DEPDC5: variants seen among roughly 807,000 people sequenced by gnomAD.
DEPDC5 encodes the protein DEP domain containing 5, GATOR1 subcomplex subunit.
DEPDC5 carries 73 observed loss-of-function variants against 217.3 expected under a neutral mutation model. That is an observed-to-expected ratio of 0.34 (90% CI 0.28 to 0.41). The LOEUF (loss-of-function observed/expected upper bound fraction) is 0.41. Among genes scored for constraint, DEPDC5 ranks in the 10% least tolerant of loss-of-function variants. The probability of loss-of-function intolerance (pLI) is 1.00; values close to 1 mark genes in which losing one functional copy is unlikely to be tolerated. For synonymous variants in DEPDC5, 733 were observed against 756.7 expected (o/e 0.97, Z 0.51); for missense variants, 1,675 against 2,070.1 (o/e 0.81, Z 3.70).
At chr22:31,757,667 G>A (rs1248391881) in intron 2 of DEPDC5, among the ~76,000 whole-genome samples, 2 of 152,206 alleles carry the variant, frequency 1.3e-5, no homozygotes, top group African/African-American at 2.4e-5. Flanking sequence ...CAGTCATTCT[G>A]TCTTTATGCT....
chr22:31,784,765 A>G (rs764690187), intron 9 of DEPDC5, 49 bp from the exon 10 acceptor site: 61 of 1,566,372 alleles, frequency 3.9e-5, no homozygotes, highest in Non-Finnish European at 5.1e-5. Context: ...CAAGCAAGAA[A>G]TAAAGATTGT....
intron 10 of DEPDC5, among the ~76,000 whole-genome samples, chr22:31,785,839 A>G (rs549380021): frequency 6.6e-6 from 1 of 152,304 alleles, no homozygotes; most frequent in Non-Finnish European, 1.5e-5. Context: ...AAGTTCATTT[A>G]ATGAGAGAAA....
intron 38 of DEPDC5, among the ~76,000 whole-genome samples, chr22:31,882,738 T>C (rs1352703160): frequency 6.6e-6 from 1 of 152,144 alleles, no homozygotes; most frequent in African/African-American, 2.4e-5. Context: ...TTGTTCATTC[T>C]TTCTCTTTTT....
intron 38 of DEPDC5, among the ~76,000 whole-genome samples, chr22:31,892,851 A>G (rs956453977): frequency 1.4e-5 from 2 of 148,008 alleles, no homozygotes; most frequent in African/African-American, 5.0e-5. Context: ...TTTACATTTT[A>G]GGGTTCACTC....
At chr22:31,828,917 T>C (rs1416879912) in intron 24 of DEPDC5, among the ~76,000 whole-genome samples, 5 of 152,194 alleles carry the variant, frequency 3.3e-5, no homozygotes, top group African/African-American at 4.8e-5. Context: ...TTGTGGGGGA[T>C]TGAACTGTGA....
intron 8 of DEPDC5, among the ~76,000 whole-genome samples, chr22:31,781,974 T>C (rs1311357587): frequency 2.0e-5 from 3 of 152,070 alleles, no homozygotes; most frequent in African/African-American, 4.8e-5. Flanking sequence ...GATGTTGCAG[T>C]GAGCTATGAT....
chr22:31,764,801 A>G (rs143004910), intron 4 of DEPDC5, among the ~76,000 whole-genome samples, 174 bp from the exon 5 acceptor site: 17 of 152,016 alleles, frequency 1.1e-4, no homozygotes, highest in African/African-American at 4.1e-4. Context: ...GTCTTATTTC[A>G]CCTAAAAAGC....
intron 24 of DEPDC5, chr22:31,831,253 A>T (rs2090574336): frequency 6.6e-6 from 1 of 152,334 alleles, no homozygotes; most frequent in Non-Finnish European, 1.5e-5. Context: ...TCTGAGCCTC[A>T]GTTTCTTTAT....
chr22:31,803,933 A>G (rs2087174823), intron 15 of DEPDC5, among the ~76,000 whole-genome samples: 1 of 152,212 alleles, frequency 6.6e-6, no homozygotes, highest in Non-Finnish European at 1.5e-5. Flanking sequence ...GTCAAAGGCT[A>G]ATTGTCAAGC....
At chr22:31,762,344 A>T (rs1414354818) in intron 4 of DEPDC5, among the ~76,000 whole-genome samples, 4 of 152,252 alleles carry the variant, frequency 2.6e-5, no homozygotes, top group Non-Finnish European at 1.5e-5. Context: ...CTGGATTCAA[A>T]TCCTTTCTTT....
chr22:31,773,192 T>A (rs1234670784), intron 7 of DEPDC5, among the ~76,000 whole-genome samples: 1 of 152,164 alleles, frequency 6.6e-6, no homozygotes, highest in Admixed American at 6.6e-5. Flanking sequence ...AACTTTATTT[T>A]TATATATTTA....
intron 37 of DEPDC5, 85 bp downstream of exon 37, chr22:31,876,350 G>A (rs2092992537): frequency 9.9e-7 from 1 of 1,005,424 alleles, no homozygotes; most frequent in Non-Finnish European, 1.5e-6. Context: ...TGCTTCCTGA[G>A]CTGCATGTGT....
At chr22:31,792,193 C>T (rs895029171) in intron 11 of DEPDC5, 91 bp downstream of exon 11, 5 of 917,446 alleles carry the variant, frequency 5.4e-6, no homozygotes, top group Non-Finnish European at 8.7e-6. Context: ...TTCCTCGTTG[C>T]ACTTTTCCAC....
At chr22:31,760,193 A>G (rs1184236491) in intron 3 of DEPDC5, among the ~76,000 whole-genome samples, 1 of 151,344 alleles carries the variant, frequency 6.6e-6, no homozygotes. Context: ...TCAGCCTCCC[A>G]AGTAGCTGGG....
At chr22:31,883,976 C>T (rs1256248074) in intron 38 of DEPDC5, among the ~76,000 whole-genome samples, 1 of 152,082 alleles carries the variant, frequency 6.6e-6, no homozygotes, top group Non-Finnish European at 1.5e-5. Flanking sequence ...GTTCTTTGAC[C>T]CCCACCAGGA....
At chr22:31,798,295 G>A (rs892797996) in intron 13 of DEPDC5, among the ~76,000 whole-genome samples, 6 of 152,054 alleles carry the variant, frequency 3.9e-5, no homozygotes, top group Admixed American at 1.3e-4. Flanking sequence ...CAAGGCAGGC[G>A]GATCACGAGG....
rs2087207677 is a variant in DEPDC5, at chr22:31,804,190, A to G, written c.1110A>G (p.Gly370=). Residue 370 remains glycine (G), a synonymous_variant, in exon 16 of 43, where the codon GGA becomes GGG. Transcript: ENST00000651528. ...NGIGVDLVCM[G]EQPLHAVPLF... ...TTGGTGTGGATTTGGTGTGCATGGG[A>G]GAGCAACCGTTACATGCTGTCCCAT... The G allele has an allele frequency of 3.1e-6, 5 of 1,613,836 alleles. No individual in the cohort carries two copies. The highest frequency in any genetic ancestry group is 4.2e-6 in the Non-Finnish European group (5 of 1,179,996).
chr22:31,796,079 A>C, intron 12 of DEPDC5, among the ~76,000 whole-genome samples: 1 of 150,082 alleles, frequency 6.7e-6, no homozygotes, highest in Non-Finnish European at 1.5e-5. Context: ...ATCCATGTTA[A>C]ACACACTGCT....
At chr22:31,795,817 G>T (rs2086181582) in intron 12 of DEPDC5, among the ~76,000 whole-genome samples, 1 of 149,504 alleles carries the variant, frequency 6.7e-6, no homozygotes, top group African/African-American at 2.5e-5. Flanking sequence ...TGCAACCTCC[G>T]CCTCCCGGAT....
Sources: gnomAD v4.1 joint callset for allele counts (sites outside exome capture counted in the v4.1 genomes callset) on GRCh38, gnomAD v4.1.1 for gene constraint, MANE v1.5 for transcripts, NCBI Gene and HGNC (gene_info 2026-07-23, HGNC 2026-07-21) for gene names.